ZNF529: variants seen among roughly 807,000 people sequenced by gnomAD.
ZNF529 encodes the protein zinc finger protein 529.
ZNF529 carries 11 observed loss-of-function variants against 10.1 expected under a neutral mutation model. The ratio of observed to expected loss-of-function variants is 1.09; its 90% CI spans 0.69 to 1.81. ZNF529 has a LOEUF of 1.81. Among genes scored for constraint, ZNF529 ranks in the 40% most tolerant of loss-of-function variants. The pLI, the probability that ZNF529 is intolerant of heterozygous loss-of-function variation, is 0.00. For missense variants in ZNF529, 624 were observed against 666.8 expected, an observed-to-expected ratio of 0.94 and a Z score of 0.71; for synonymous variants, 204 against 215.7, an observed-to-expected ratio of 0.95 and a Z score of 0.47.
chr19:36,585,844 ACATCAC>A (rs1787335677), intron 2 of ZNF529, among the ~76,000 whole-genome samples: 1 of 152,226 alleles, frequency 6.6e-6, no homozygotes, highest in Admixed American at 6.5e-5. Context: ...ACGATACTTA[ACATCAC>A]CACACAGCTC....
At chr19:36,562,667 C>G (rs1230614854) in intron 2 of ZNF529, among the ~76,000 whole-genome samples, 2 of 151,686 alleles carry the variant, frequency 1.3e-5, no homozygotes, top group African/African-American at 2.4e-5. Flanking sequence ...AACCCCGTCT[C>G]TACTAAAAAA....
chr19:36,566,020 C>A (rs543984574), intron 2 of ZNF529, among the ~76,000 whole-genome samples: 1 of 152,288 alleles, frequency 6.6e-6, no homozygotes, highest in African/African-American at 2.4e-5. Context: ...CACTCTTTTG[C>A]CCCGGCTGGA....
At chr19:36,603,707 A>G (rs914123019) in intron 1 of ZNF529, among the ~76,000 whole-genome samples, 2 of 152,240 alleles carry the variant, frequency 1.3e-5, no homozygotes, top group African/African-American at 4.8e-5. Flanking sequence ...CATGCTGAAT[A>G]TGACCAGATG....
chr19:36,580,318 C>T (rs2036435376), intron 2 of ZNF529: 1 of 150,628 alleles, frequency 6.6e-6, no homozygotes, highest in African/African-American at 2.5e-5. Flanking sequence ...ACAAATAGTA[C>T]AATAAATTAC....
chr19:36,571,527 T>A (rs998888566), intron 2 of ZNF529, among the ~76,000 whole-genome samples: 1 of 151,826 alleles, frequency 6.6e-6, no homozygotes, highest in Non-Finnish European at 1.5e-5. Context: ...ATTCAAAAAT[T>A]AGCCGGGCAT....
chr19:36,570,305 G>A (rs942592741), intron 2 of ZNF529, among the ~76,000 whole-genome samples: 1 of 138,016 alleles, frequency 7.2e-6, no homozygotes, highest in Non-Finnish European at 1.5e-5. Context: ...AGGCTGCATT[G>A]AGCTGTGACC....
rs1031593917 is a variant in ZNF529, at chr19:36,544,745, G to C, written c.*2121C>G. The C allele has an allele frequency of 1.3e-5, 2 of 152,076 alleles. No homozygotes were observed. The highest frequency in any genetic ancestry group is 4.1e-4 in the South Asian group (2 of 4,828). The allele number at this position is 152,076 out of a possible 1,614,324, so 9.4% of individuals were successfully genotyped here. On this transcript the variant is annotated 3_prime_UTR_variant, in exon 5 of 5. Coordinates refer to ENST00000591340, the MANE Select transcript of ZNF529 (RefSeq NM_020951.5). Reference sequence around the variant, plus strand: ...AATTACATATCTTTTAAAACTACTTGAATAAGCAATACTTACATAAAACAT... The same window carrying C: ...AATTACATATCTTTTAAAACTACTTCAATAAGCAATACTTACATAAAACAT...
At chr19:36,567,444 T>A (rs2035940241) in intron 2 of ZNF529, among the ~76,000 whole-genome samples, 1 of 152,068 alleles carries the variant, frequency 6.6e-6, no homozygotes, top group Non-Finnish European at 1.5e-5. Context: ...TGGCAATGGA[T>A]TCTTTTTTTT....
intron 2 of ZNF529, among the ~76,000 whole-genome samples, chr19:36,558,032 A>G (rs2145813563): frequency 6.6e-6 from 1 of 152,028 alleles, no homozygotes; most frequent in East Asian, 1.9e-4. Context: ...TACAAAGTAT[A>G]ATAACTGAAA....
At chr19:36,556,860 T>C (rs539222519) in intron 2 of ZNF529, among the ~76,000 whole-genome samples, 4 of 152,322 alleles carry the variant, frequency 2.6e-5, no homozygotes, top group East Asian at 3.9e-4. Flanking sequence ...AGGAACTGAA[T>C]TGACTTGCAA....
intron 1 of ZNF529, among the ~76,000 whole-genome samples, chr19:36,597,265 TCAA>T (rs1175850721): frequency 6.6e-6 from 1 of 152,242 alleles, no homozygotes; most frequent in Non-Finnish European, 1.5e-5. Context: ...GGTAAGTTCA[TCAA>T]CATTTACTTC....
intron 1 of ZNF529, among the ~76,000 whole-genome samples, chr19:36,592,994 G>T (rs746410070): frequency 6.6e-6 from 1 of 152,064 alleles, no homozygotes; most frequent in Non-Finnish European, 1.5e-5. Context: ...ATAATATAGT[G>T]ATGAAATATT....
upstream of ZNF529, among the ~76,000 whole-genome samples, chr19:36,576,030 G>C (rs8103435): frequency 0.013 from 1,928 of 152,062 alleles, 48 homozygotes; most frequent in African/African-American, 0.044. Context: ...TGTATTTTTA[G>C]TAGAGATGGG....
intron 2 of ZNF529, among the ~76,000 whole-genome samples, chr19:36,564,557 A>G (rs1206935613): frequency 6.6e-6 from 1 of 152,220 alleles, no homozygotes; most frequent in East Asian, 1.9e-4. Context: ...TAGCCATCTC[A>G]TATCAGTCAG....
rs552350791 is a variant in ZNF529 at position 36,590,222 on chromosome 19, C to T, written c.-127-521G>A. Among the ~76,000 whole-genome samples, 16 of 152,022 alleles carry T rather than the reference C, an allele frequency of 1.1e-4. No homozygotes were observed. In the East Asian group the frequency reaches 3.1e-3, roughly 29 times the overall value. On this transcript the variant is annotated intron_variant, in intron 1 of 4. Transcript: ENST00000585960. ...CATATCTACAAAATACAAAAATTAA[C>T]AGGATGTGGTGGTGTGCAATTGCAT... is the stretch of plus-strand genomic sequence containing the variant.
At chr19:36,565,905 G>A (rs914926060) in intron 2 of ZNF529, among the ~76,000 whole-genome samples, 43 of 152,174 alleles carry the variant, frequency 2.8e-4, no homozygotes, top group African/African-American at 1.0e-3. Flanking sequence ...AAGAGGAGCA[G>A]AACTGTATAG....
intron 1 of ZNF529, chr19:36,594,269 T>C (rs2036791428): frequency 6.6e-6 from 1 of 152,260 alleles, no homozygotes; most frequent in Non-Finnish European, 1.5e-5. Flanking sequence ...CTGCATGCTC[T>C]TCCAAACTTT....
At chr19:36,575,435 G>C (rs2036291941), upstream of ZNF529, among the ~76,000 whole-genome samples, 1 of 152,086 alleles carries the variant, frequency 6.6e-6, no homozygotes, top group Non-Finnish European at 1.5e-5. Flanking sequence ...ACTTTGAATA[G>C]TTATATAGAT....
At chr19:36,561,872 G>C (rs777439852) in intron 2 of ZNF529, among the ~76,000 whole-genome samples, 1 of 152,236 alleles carries the variant, frequency 6.6e-6, no homozygotes, top group African/African-American at 2.4e-5. Flanking sequence ...ATTGTTGTTT[G>C]CCCTGTTCAG....
Sources: allele counts gnomAD v4.1 joint callset (sites outside exome capture counted in the v4.1 genomes callset), GRCh38; gene constraint gnomAD v4.1.1; transcripts MANE v1.5; gene names NCBI Gene and HGNC (gene_info 2026-07-23, HGNC 2026-07-21).